The following BACH2 variants were observed in gnomAD, a reference collection of about 807,000 sequenced individuals.
BACH2 encodes BACH transcriptional regulator 2, also known as transcription regulator protein BACH2.
A neutral mutation model predicts 61.8 loss-of-function variants in BACH2; 5 were observed. The ratio of observed to expected loss-of-function variants is 0.08; its 90% confidence interval spans 0.04 to 0.17. BACH2 has a LOEUF of 0.17. BACH2 is among the 10% of genes least tolerant of loss of function. The pLI is 1.00. For synonymous variants in BACH2, 446 were observed against 440.1 expected (o/e 1.01, Z -0.17); for missense variants, 824 against 1,091.1 (o/e 0.76, Z 3.45).
intron 4 of BACH2, among the ~76,000 whole-genome samples, chr6:90,103,631 T>C (rs1247890491): frequency 2.0e-5 from 3 of 152,176 alleles, no homozygotes; most frequent in Non-Finnish European, 4.4e-5. Context: ...ATGACTGCTC[T>C]GGGTGATGCT....
intron 5 of BACH2, among the ~76,000 whole-genome samples, chr6:90,019,795 CT>C (rs1341333143): frequency 6.6e-6 from 1 of 152,184 alleles, no homozygotes. Flanking sequence ...AACCCCTGCT[CT>C]TTCTGGGCTC....
Position 89,950,561 on chromosome 6 carries a change from G to T in BACH2, c.1545C>A (p.Thr515=). The change falls in exon 7 of 9, where the codon ACC becomes ACA. Residue 515 remains threonine, a synonymous_variant. Transcript: ENST00000257749. This position sits in a 1 kb window ranked among gnomAD's most constrained non-coding sequence, Gnocchi z 5.3. ...KVCPRSPPLE[T]RTRTSSSCSS... ...AGCAGGAGCTGGAAGTCCTGGTCCTGGTCTCCAAGGGGGGTGAGCGAGGGC... is the reference window on the plus strand; with the variant it reads ...AGCAGGAGCTGGAAGTCCTGGTCCTTGTCTCCAAGGGGGGTGAGCGAGGGC... 1 of 1,611,022 alleles carries T rather than the reference G, an allele frequency of 6.2e-7. No homozygotes were observed. Among genetic ancestry groups the T allele is most frequent in the Non-Finnish European group, 8.5e-7 (1 of 1,177,872 alleles).
chr6:89,999,402 A>G (rs573081161), intron 6 of BACH2, among the ~76,000 whole-genome samples: 1 of 151,214 alleles, frequency 6.6e-6, no homozygotes, highest in South Asian at 2.1e-4. Flanking sequence ...TGCTGGCGTG[A>G]CCTACAATAC....
intron 6 of BACH2, among the ~76,000 whole-genome samples, chr6:89,994,485 T>C (rs1434962245): frequency 2.0e-5 from 3 of 152,210 alleles, no homozygotes; most frequent in Non-Finnish European, 4.4e-5. Flanking sequence ...CCTTTGTTGC[T>C]TTTTGGATTT....
chr6:90,045,335 A>G (rs2127792569), intron 5 of BACH2, among the ~76,000 whole-genome samples: 1 of 152,286 alleles, frequency 6.6e-6, no homozygotes, highest in South Asian at 2.1e-4. Flanking sequence ...TTGGTAACTA[A>G]GCACTTTTCT....
rs75824626 is a variant in BACH2 at position 90,178,503 on chromosome 6, C to T, written c.-162+28066G>A. On this transcript the variant is annotated intron_variant, in intron 4 of 8. Transcript: ENST00000257749. ...GTGCGTAAACGCTAACTGTACTCCTCGCTCCTATTTACACACACTATTAGT... is the reference window on the plus strand; with the variant it reads ...GTGCGTAAACGCTAACTGTACTCCTTGCTCCTATTTACACACACTATTAGT... 7.3e-3 allele frequency among the ~76,000 whole-genome samples: 1,119 copies of T among 152,308 alleles called. 17 individuals carry two copies. The highest frequency in any genetic ancestry group is 0.025 in the African/African-American group (1,043 of 41,562).
chr6:90,120,897 C>T (rs1783596001), intron 4 of BACH2, among the ~76,000 whole-genome samples: 3 of 134,490 alleles, frequency 2.2e-5, no homozygotes, highest in Middle Eastern at 8.1e-3. Context: ...TTATGTTGGC[C>T]CATAAAATAT....
At chr6:89,993,400 C>T (rs1161869003) in intron 6 of BACH2, among the ~76,000 whole-genome samples, 1 of 151,836 alleles carries the variant, frequency 6.6e-6, no homozygotes, top group Non-Finnish European at 1.5e-5. Flanking sequence ...TATCCTCAGT[C>T]TGATAAACTG....
At chr6:90,187,162 C>T (rs1483352387) in intron 4 of BACH2, among the ~76,000 whole-genome samples, 1 of 152,190 alleles carries the variant, frequency 6.6e-6, no homozygotes, top group East Asian at 1.9e-4. Context: ...CACGGCAATA[C>T]TGAGAGGCTT....
At chr6:90,072,207 C>A (rs768449379) in intron 5 of BACH2, among the ~76,000 whole-genome samples, 2 of 152,168 alleles carry the variant, frequency 1.3e-5, no homozygotes, top group Non-Finnish European at 2.9e-5. Flanking sequence ...ATTAAGTGAG[C>A]ATCAAATAGC....
rs370829316 is a variant in BACH2, at chr6:90,002,032, G to T, written c.243+6570C>A. On this transcript the variant is annotated intron_variant, in intron 6 of 8. Coordinates refer to ENST00000257749, the MANE Select transcript of BACH2 (RefSeq NM_021813.4). ...TACTGCTCCCCCAAAAGTGCTCAAC[G>T]AAATCACAAATGGCCTCCAAATTGC... is the stretch of plus-strand genomic sequence containing the variant. Among the ~76,000 whole-genome samples, 26 of 152,304 alleles carry T rather than the reference G, an allele frequency of 1.7e-4. No homozygotes were observed. The East Asian group carries it at 5.0e-3, about 29-fold the overall frequency.
chr6:89,986,198 G>A (rs900630250), intron 6 of BACH2, among the ~76,000 whole-genome samples: 4 of 151,730 alleles, frequency 2.6e-5, no homozygotes, highest in Admixed American at 6.6e-5. Flanking sequence ...GGCTTTTTTC[G>A]GTATGTGTGT....
intron 4 of BACH2, among the ~76,000 whole-genome samples, chr6:90,181,563 T>G (rs981350256): frequency 2.0e-5 from 3 of 152,062 alleles, no homozygotes; most frequent in Admixed American, 2.0e-4. Flanking sequence ...TAATATTACA[T>G]GTTTAAATTT....
At chr6:90,092,874 G>A (rs1441208760) in intron 4 of BACH2, among the ~76,000 whole-genome samples, 1 of 152,144 alleles carries the variant, frequency 6.6e-6, no homozygotes, top group Non-Finnish European at 1.5e-5. Flanking sequence ...GATGTAGGAC[G>A]TGGCCATGGT....
intron 4 of BACH2, among the ~76,000 whole-genome samples, chr6:90,143,814 C>A (rs530353511): frequency 6.6e-6 from 1 of 152,204 alleles, no homozygotes; most frequent in African/African-American, 2.4e-5. Context: ...ATGTGTCAGG[C>A]ACTGTCTCAG....
At chr6:90,252,819 G>A (rs557116426) in intron 2 of BACH2, among the ~76,000 whole-genome samples, 2 of 152,326 alleles carry the variant, frequency 1.3e-5, no homozygotes, top group East Asian at 3.9e-4. Flanking sequence ...GTCAGTACAT[G>A]GAGGTCCAGC....
chr6:90,020,326 CAT>C (rs1435265895), intron 5 of BACH2, among the ~76,000 whole-genome samples: 1 of 152,174 alleles, frequency 6.6e-6, no homozygotes, highest in Non-Finnish European at 1.5e-5. Flanking sequence ...AGCATTAAGA[CAT>C]AGGGCCTTCA....
At chr6:90,052,704 A>T (rs2127795153) in intron 5 of BACH2, among the ~76,000 whole-genome samples, 1 of 152,346 alleles carries the variant, frequency 6.6e-6, no homozygotes, top group East Asian at 1.9e-4. Flanking sequence ...TACAGGCATG[A>T]GCCACCACAC....
intron 4 of BACH2, among the ~76,000 whole-genome samples, chr6:90,167,583 C>T (rs1198483773): frequency 6.6e-6 from 1 of 152,140 alleles, no homozygotes; most frequent in African/African-American, 2.4e-5. Context: ...GTCTCAAACA[C>T]CTGACCTCAA....
Sources: gnomAD v4.1 joint callset for allele counts (sites outside exome capture counted in the v4.1 genomes callset) on GRCh38, gnomAD v4.1.1 for gene constraint, Gnocchi (gnomAD v3.1) non-coding constraint, MANE v1.5 for transcripts, NCBI Gene and HGNC (gene_info 2026-07-23, HGNC 2026-07-21) for gene names.